The following FAM135A variants were observed in gnomAD, a reference collection of about 807,000 sequenced individuals.
FAM135A encodes the protein protein FAM135A.
A neutral mutation model predicts 146.8 loss-of-function variants in FAM135A; 79 were observed. The ratio of observed to expected loss-of-function variants is 0.54; its 90% CI spans 0.45 to 0.65. The LOEUF is 0.65. Among genes scored for constraint, FAM135A ranks in the 30% least tolerant of loss-of-function variants. The pLI is 0.00. For synonymous variants in FAM135A, 562 were observed against 603.6 expected (o/e 0.93, Z 1.01); for missense variants, 1,623 against 1,758.2 (o/e 0.92, Z 1.38).
chr6:70,452,613 T>C (rs1777369426), intron 5 of FAM135A, 42 bp downstream of exon 5: 1 of 1,444,388 alleles, frequency 6.9e-7, no homozygotes, highest in Admixed American at 2.4e-5. Context: ...GTAATCTGAA[T>C]GGTCAATAAC....
chr6:70,443,124 T>G (rs921467477), intron 4 of FAM135A, among the ~76,000 whole-genome samples: 2 of 152,190 alleles, frequency 1.3e-5, no homozygotes, highest in Non-Finnish European at 2.9e-5. Flanking sequence ...CAAATTACAT[T>G]CCATATGGGG....
intron 2 of FAM135A, among the ~76,000 whole-genome samples, chr6:70,420,930 T>C (rs1768685165): frequency 6.6e-6 from 1 of 152,018 alleles, no homozygotes. Context: ...TCGCCCAGGC[T>C]GGAGTGTGTG....
At position 70,526,050 on chromosome 6, in the gene FAM135A, A is replaced by G. The variant is rs1470979648; in HGVS notation, c.2966A>G (p.Asp989Gly). Residue 989 changes from aspartate to glycine, a missense_variant, in exon 15 of 22, where the codon GAT becomes GGT. Physicochemically the swap from Asp to Gly is moderately conservative, Grantham distance 94. Coordinates refer to ENST00000418814, the MANE Select transcript of FAM135A (RefSeq NM_001162529.3). ...VISGSISSNT[D>G]VSEDRTMKKN... The stretch of plus-strand genomic sequence containing the variant: ...TCAGGTTCCATTTCTAGTAATACAG[A>G]TGTTAGTGAAGATAGAACTATGAAA... 2 of 1,612,200 alleles carry G rather than the reference A, an allele frequency of 1.2e-6. No homozygotes were observed. Among genetic ancestry groups the G allele is most frequent in the Non-Finnish European group, 1.7e-6 (2 of 1,179,366 alleles).
intron 4 of FAM135A, among the ~76,000 whole-genome samples, chr6:70,449,053 G>A (rs1776458969): frequency 1.3e-5 from 2 of 152,130 alleles, no homozygotes; most frequent in Admixed American, 1.3e-4. Flanking sequence ...TTCCCAACAG[G>A]TTTCTTCCCT....
intron 5 of FAM135A, among the ~76,000 whole-genome samples, chr6:70,474,831 T>C (rs1782308503): frequency 6.6e-6 from 1 of 152,166 alleles, no homozygotes; most frequent in Non-Finnish European, 1.5e-5. Flanking sequence ...TGTCGCTCAG[T>C]CTTTAGCTAT....
chr6:70,483,465 G>T (rs951298166), intron 10 of FAM135A, among the ~76,000 whole-genome samples: 4 of 152,084 alleles, frequency 2.6e-5, no homozygotes, highest in Admixed American at 1.3e-4. Context: ...TATTTTCCTT[G>T]CTACTTTATG....
chr6:70,507,105 T>G (rs1274899771), intron 12 of FAM135A, among the ~76,000 whole-genome samples: 1 of 152,028 alleles, frequency 6.6e-6, no homozygotes, highest in Non-Finnish European at 1.5e-5. Context: ...GCTTCCCTTT[T>G]CTCACCCCAT....
At chr6:70,456,012 C>T (rs1181521400) in intron 5 of FAM135A, among the ~76,000 whole-genome samples, 1 of 152,116 alleles carries the variant, frequency 6.6e-6, no homozygotes, top group Non-Finnish European at 1.5e-5. Flanking sequence ...TCACCACACC[C>T]AGCTAATTTT....
chr6:70,474,787 C>G (rs898155729), intron 5 of FAM135A, among the ~76,000 whole-genome samples: 1 of 152,128 alleles, frequency 6.6e-6, no homozygotes, highest in Non-Finnish European at 1.5e-5. Context: ...TTGATGTTTC[C>G]TTATGTAAGC....
chr6:70,558,584 A>G (rs1184993771), intron 21 of FAM135A, among the ~76,000 whole-genome samples: 1 of 152,148 alleles, frequency 6.6e-6, no homozygotes, highest in Non-Finnish European at 1.5e-5. Context: ...CTGAGGCAGG[A>G]GGATCACCTG....
chr6:70,461,690 T>C (rs1779481608), intron 5 of FAM135A, among the ~76,000 whole-genome samples: 1 of 152,082 alleles, frequency 6.6e-6, no homozygotes, highest in Admixed American at 6.6e-5. Flanking sequence ...ATCCCTAAAT[T>C]TATATAATAC....
rs1242432484 is a variant in FAM135A, at chr6:70,524,470, T to G, written c.1386T>G (p.Ala462=). Residue 462 remains alanine, a synonymous_variant, in exon 15 of 22, where the codon GCT becomes GCG. Coordinates refer to ENST00000418814, the MANE Select transcript of FAM135A (RefSeq NM_001162529.3). ...GCCCAGAGTTGAAAGTCAGACCTGC[T>G]GGTGCCTCCAGTATTTGGTATACAG... The part of the protein sequence containing the change: ...LSSPELKVRP[A]GASSIWYTEG... 6.4e-7 allele frequency: 1 copy of G among 1,551,152 alleles called. No homozygotes were observed. The highest frequency in any genetic ancestry group is 2.4e-5 in the East Asian group (1 of 40,906).
intron 4 of FAM135A, among the ~76,000 whole-genome samples, chr6:70,438,565 A>C (rs1195144702): frequency 1.3e-5 from 2 of 152,202 alleles, no homozygotes; most frequent in Non-Finnish European, 2.9e-5. Flanking sequence ...ATCAACTGTC[A>C]TAGTATCACA....
chr6:70,477,229 G>C lies in FAM135A; in HGVS notation c.439G>C (p.Gly147Arg). 1 of 1,613,564 alleles carries C rather than the reference G, an allele frequency of 6.2e-7. No individual in the cohort carries two copies. Among genetic ancestry groups the C allele is most frequent in the Non-Finnish European group, 8.5e-7 (1 of 1,179,714 alleles). The change falls in exon 8 of 22, where the codon GGC (glycine) becomes CGC (arginine). Residue 147 changes from glycine to arginine, a missense_variant. By Grantham distance (125) the Gly-to-Arg change is moderately radical (BLOSUM62 -2). This residue lies in a region of FAM135A where 171 missense variants were observed against 164.9 expected (regional missense o/e 1.04). Coordinates refer to ENST00000418814, the MANE Select transcript of FAM135A (RefSeq NM_001162529.3). The stretch of plus-strand genomic sequence containing the variant: ...GAAGCTGCACTTTAGCCCCCATAGA[G>C]GCCTTCATCATCATGTTAATGTTAT... ...TLKLHFSPHR[G>R]LHHHVNVMFD...
At chr6:70,421,068 GAC>G (rs1768713922) in intron 2 of FAM135A, among the ~76,000 whole-genome samples, 1 of 152,040 alleles carries the variant, frequency 6.6e-6, no homozygotes, top group African/African-American at 2.4e-5. Context: ...TTTATATAGA[GAC>G]ACGGTTTTGC....
intron 7 of FAM135A, among the ~76,000 whole-genome samples, chr6:70,476,940 A>T (rs754276221): frequency 8.5e-5 from 13 of 152,164 alleles, no homozygotes; most frequent in Non-Finnish European, 1.8e-4. Flanking sequence ...AGTTCATATC[A>T]TGGACTGATA....
chr6:70,446,291 G>A (rs1453985503), intron 4 of FAM135A, among the ~76,000 whole-genome samples: 12 of 152,028 alleles, frequency 7.9e-5, no homozygotes. Flanking sequence ...ATCATTTGAG[G>A]TTGAGGTGCC....
chr6:70,444,746 C>T (rs1245344763), intron 4 of FAM135A, among the ~76,000 whole-genome samples: 2 of 152,102 alleles, frequency 1.3e-5, no homozygotes, highest in African/African-American at 2.4e-5. Flanking sequence ...GTATTTCTAA[C>T]ACCTATCACA....
At chr6:70,423,044 T>C (rs1769212412) in intron 2 of FAM135A, among the ~76,000 whole-genome samples, 1 of 152,158 alleles carries the variant, frequency 6.6e-6, no homozygotes, top group African/African-American at 2.4e-5. Context: ...ATTGAGAAGC[T>C]GGTATTTGAG....
Sources: allele counts gnomAD v4.1 joint callset (sites outside exome capture counted in the v4.1 genomes callset), GRCh38; gene constraint gnomAD v4.1.1; regional missense constraint gnomAD v4.1.1; transcripts MANE v1.5; gene names NCBI Gene and HGNC (gene_info 2026-07-23, HGNC 2026-07-21).